DZIP1: variants seen among roughly 807,000 people sequenced by gnomAD.
DZIP1 encodes the protein DAZ interacting zinc finger protein 1, also known as cilium assembly protein DZIP1.
DZIP1 carries 97 observed loss-of-function variants against 107.6 expected under a neutral mutation model. The observed-to-expected ratio is 0.90, with a 90% confidence interval of 0.77 to 1.07. The LOEUF (loss-of-function observed/expected upper bound fraction) is 1.07. DZIP1 is among the 50% of genes least tolerant of loss of function. The probability of loss-of-function intolerance (pLI) is 0.00; values close to 1 mark genes in which losing one functional copy is unlikely to be tolerated. For synonymous variants in DZIP1, 390 were observed against 386.4 expected (o/e 1.01, Z -0.11); for missense variants, 1,035 against 1,063.6 (o/e 0.97, Z 0.37).
chr13:95,624,939 T>C lies in DZIP1; in HGVS notation c.811-10A>G, dbSNP rs1227572567. ...TCTGCATTTCATATTCCTGAAATTA[T>C]TTTAATACACATCTTTAAAAGTTCT... On this transcript the variant is annotated splice_polypyrimidine_tract_variant and intron_variant, in intron 7 of 22. Transcript: ENST00000376829. 1.3e-6 allele frequency: 2 copies of C among 1,580,898 alleles called. No homozygotes were observed. The highest frequency in any genetic ancestry group is 1.7e-6 in the Non-Finnish European group (2 of 1,167,224).
intron 11 of DZIP1, among the ~76,000 whole-genome samples, 188 bp downstream of exon 11, chr13:95,611,849 C>A (rs1009886153): frequency 6.6e-6 from 1 of 152,330 alleles, no homozygotes; most frequent in East Asian, 1.9e-4. Flanking sequence ...AAATCTTCAA[C>A]ATATTACTTT....
At chr13:95,636,294 G>A (rs1877809167) in intron 5 of DZIP1, among the ~76,000 whole-genome samples, 1 of 151,934 alleles carries the variant, frequency 6.6e-6, no homozygotes, top group Admixed American at 6.5e-5. Context: ...TGTAATCCCA[G>A]CACTTTGGGA....
intron 10 of DZIP1, 90 bp from the exon 11 acceptor site, chr13:95,612,267 T>C: frequency 7.0e-7 from 1 of 1,428,802 alleles, no homozygotes; most frequent in Non-Finnish European, 9.5e-7. Flanking sequence ...CTCTGCCTGT[T>C]TTGCTAGCCT....
At chr13:95,625,913 A>G (rs567608669) in intron 7 of DZIP1, among the ~76,000 whole-genome samples, 3 of 152,124 alleles carry the variant, frequency 2.0e-5, no homozygotes, top group South Asian at 2.1e-4. Context: ...ACTTGATCTC[A>G]GGAGTTTGAG....
chr13:95,640,223 C>T (rs1159585396), intron 5 of DZIP1, among the ~76,000 whole-genome samples: 1 of 152,100 alleles, frequency 6.6e-6, no homozygotes, highest in African/African-American at 2.4e-5. Context: ...GGGTCTCAAT[C>T]TCCTGACCTC....
intron 7 of DZIP1, among the ~76,000 whole-genome samples, chr13:95,626,676 G>A (rs1478867243): frequency 1.3e-5 from 2 of 152,244 alleles, no homozygotes; most frequent in Middle Eastern, 3.4e-3. Context: ...CAGCAAAGTT[G>A]CACAGTACAA....
Position 95,641,732 on chromosome 13 carries a change from G to A in DZIP1, c.160C>T (p.Pro54Ser). The change falls in exon 5 of 23, where the codon CCC becomes TCC. Residue 54 changes from proline to serine, a missense_variant. By Grantham distance (74) the Pro-to-Ser change is moderately conservative. Coordinates refer to ENST00000376829, the MANE Select transcript of DZIP1 (RefSeq NM_198968.4). The surrounding 1 kb of genome is among the most constrained non-coding windows in gnomAD (Gnocchi z 4.3). Reference protein sequence around the residue: ...ACAPPSAASGPLPFFQFRPRL... With the variant: ...ACAPPSAASGSLPFFQFRPRL... ...GGCCTGAACTGGAAGAAGGGCAGGG[G>A]CCCCGAAGCCGCGCTGGGGGGCGCA... is the stretch of plus-strand genomic sequence containing the variant. 2 of 1,595,208 alleles carry A rather than the reference G, an allele frequency of 1.3e-6. No individual in the cohort carries two copies. Among genetic ancestry groups the A allele is most frequent in the South Asian group, 1.1e-5 (1 of 90,396 alleles).
At chr13:95,613,900 G>A (rs1039724307) in intron 10 of DZIP1, among the ~76,000 whole-genome samples, 2 of 152,108 alleles carry the variant, frequency 1.3e-5, no homozygotes, top group African/African-American at 4.8e-5. Context: ...GAGGAGGGAG[G>A]ATCACTGGAG....
chr13:95,637,616 C>G (rs1338658063), intron 5 of DZIP1, among the ~76,000 whole-genome samples: 1 of 113,584 alleles, frequency 8.8e-6, no homozygotes, highest in African/African-American at 3.6e-5. Context: ...CTCTCTCTCT[C>G]TCTCTCTCTC....
chr13:95,600,348 G>C (rs1009701997), intron 14 of DZIP1, among the ~76,000 whole-genome samples: 2 of 152,110 alleles, frequency 1.3e-5, no homozygotes, highest in Admixed American at 1.3e-4. Flanking sequence ...TTACCTCCAA[G>C]GGGGAGGTCA....
chr13:95,592,413 CTT>C (rs2044333198), intron 16 of DZIP1, among the ~76,000 whole-genome samples: 2 of 152,200 alleles, frequency 1.3e-5, no homozygotes, highest in Non-Finnish European at 2.9e-5. Context: ...CCATGAATGT[CTT>C]TGATTTCCAC....
chr13:95,599,462 C>A lies in DZIP1; in HGVS notation c.1478-38G>T, dbSNP rs545701198. The A allele has an allele frequency of 7.3e-6, 11 of 1,512,738 alleles. No homozygotes were observed. The African/African-American group carries it at 1.5e-4, about 21-fold the overall frequency. 93.7% of individuals were successfully genotyped at this position (1,512,738 alleles called of 1,614,324 possible). On this transcript the variant is annotated intron_variant, in intron 14 of 22. Transcript: ENST00000376829. The stretch of plus-strand genomic sequence containing the variant: ...AAAAATAAGAACAGTACAAACAGGA[C>A]AACAGCAAAGTTACATTAGTTTCCT...
chr13:95,583,665 C>T (rs921598920), intron 22 of DZIP1, among the ~76,000 whole-genome samples: 2 of 152,052 alleles, frequency 1.3e-5, no homozygotes, highest in Admixed American at 6.5e-5. Flanking sequence ...TACACGGCTA[C>T]AAGAGAAACC....
intron 9 of DZIP1, 95 bp from the exon 10 acceptor site, chr13:95,620,042 A>C: frequency 7.5e-7 from 1 of 1,337,522 alleles, no homozygotes. Flanking sequence ...TATGAAACCC[A>C]ACTATCTATC....
intron 13 of DZIP1, 32 bp from the exon 14 acceptor site, chr13:95,606,091 G>T (rs767306245): frequency 6.2e-7 from 1 of 1,609,910 alleles, no homozygotes; most frequent in Admixed American, 1.7e-5. Flanking sequence ...AAACTCAGAG[G>T]TTCCATAATT....
At chr13:95,640,737 G>A (rs954129167) in intron 5 of DZIP1, among the ~76,000 whole-genome samples, 2 of 152,062 alleles carry the variant, frequency 1.3e-5, no homozygotes, top group African/African-American at 4.8e-5. Context: ...TATACACATC[G>A]AAATATTTAG....
At chr13:95,596,853 G>A (rs917777889) in intron 15 of DZIP1, among the ~76,000 whole-genome samples, 1 of 152,178 alleles carries the variant, frequency 6.6e-6, no homozygotes, top group East Asian at 1.9e-4. Flanking sequence ...GCACTTATCT[G>A]CAAAATGTTA....
chr13:95,610,331 A>T (rs2044957113), intron 12 of DZIP1, among the ~76,000 whole-genome samples: 1 of 149,786 alleles, frequency 6.7e-6, no homozygotes. Flanking sequence ...TTTTTAAGAG[A>T]TGTGGGTCTC....
At chr13:95,614,795 C>T (rs879874051) in intron 10 of DZIP1, among the ~76,000 whole-genome samples, 1 of 152,072 alleles carries the variant, frequency 6.6e-6, no homozygotes, top group Non-Finnish European at 1.5e-5. Flanking sequence ...CATGCCATCG[C>T]TTATCTGTGA....
Sources: allele counts gnomAD v4.1 joint callset (sites outside exome capture counted in the v4.1 genomes callset), GRCh38; gene constraint gnomAD v4.1.1; non-coding constraint Gnocchi (gnomAD v3.1); transcripts MANE v1.5; gene names NCBI Gene and HGNC (gene_info 2026-07-23, HGNC 2026-07-21).